Variants in SLC12A7 observed in about 807,000 individuals in gnomAD.
SLC12A7 encodes solute carrier family 12 member 7, also known as K-Cl cotransporter 4.
A neutral mutation model predicts 120.6 loss-of-function variants in SLC12A7; 100 were observed. The observed-to-expected ratio is 0.83, with a 90% CI of 0.71 to 0.98. The LOEUF (loss-of-function observed/expected upper bound fraction) is 0.98, where lower values mean the gene tolerates loss of function less well. Among genes scored for constraint, SLC12A7 ranks in the 50% least tolerant of loss-of-function variants. The pLI is 0.00. For synonymous variants in SLC12A7, 760 were observed against 678.0 expected, an observed-to-expected ratio of 1.12 and a Z score of -1.88; for missense variants, 1,373 against 1,548.1, an observed-to-expected ratio of 0.89 and a Z score of 1.90.
At chr5:1,142,298 C>A in the SLC12A7 span, among the ~76,000 whole-genome samples, 1 of 131,412 alleles carries the variant, frequency 7.6e-6, no homozygotes, top group Non-Finnish European at 1.7e-5. Context: ...CCCCTCCCCC[C>A]TCGCCCCTCC....
chr5:1,152,085 C>CT, the SLC12A7 span, among the ~76,000 whole-genome samples: 2 of 152,172 alleles, frequency 1.3e-5, no homozygotes, highest in Non-Finnish European at 2.9e-5. Flanking sequence ...GGCCAGGGGG[C>CT]TCTGCCATTG....
chr5:1,148,581 T>A, the SLC12A7 span, among the ~76,000 whole-genome samples: 15 of 152,214 alleles, frequency 9.9e-5, no homozygotes, highest in Admixed American at 9.8e-4. Flanking sequence ...TATAACAAAT[T>A]TAGCTGTAGA....
chr5:1,118,948 C>T, the SLC12A7 span, among the ~76,000 whole-genome samples: 4 of 152,174 alleles, frequency 2.6e-5, no homozygotes, highest in Non-Finnish European at 5.9e-5. Context: ...GCTCACAACC[C>T]ACACTGAGCA....
Position 1,104,068 on chromosome 5 carries a change from G to A in SLC12A7, c.124+7800C>T, listed in dbSNP as rs376069015. On this transcript the variant is annotated intron_variant, in intron 1 of 23. Transcript: ENST00000264930. ...TACAGGCTGCCTCTGGGCTGCGGTC[G>A]GGGACCCTTGGCGGCATGGAGGGGA... is the stretch of plus-strand genomic sequence containing the variant. Among the ~76,000 whole-genome samples the A allele has an allele frequency of 1.2e-3, 176 of 152,306 alleles. 1 individual carries two copies. The highest frequency in any genetic ancestry group is 3.9e-3 in the African/African-American group (164 of 41,590).
the SLC12A7 span, among the ~76,000 whole-genome samples, chr5:1,151,935 C>T: frequency 2.6e-5 from 4 of 152,298 alleles, no homozygotes; most frequent in East Asian, 1.9e-4. The surrounding 1 kb of genome is among the most constrained non-coding windows in gnomAD (Gnocchi z 6.2). Flanking sequence ...CCGCTGAAAC[C>T]GTCCCACAGA....
chr5:1,155,289 G>C, the SLC12A7 span, among the ~76,000 whole-genome samples: 1 of 152,152 alleles, frequency 6.6e-6, no homozygotes, highest in Non-Finnish European at 1.5e-5. Flanking sequence ...GACCCGCCGT[G>C]GTCCCGAGAG....
At chr5:1,082,280 C>G (rs56385895) in intron 8 of SLC12A7, among the ~76,000 whole-genome samples, 16,745 of 107,408 alleles carry the variant, frequency 0.16, 1 homozygote, top group Non-Finnish European at 0.25. Context: ...CCGGGCTTCC[C>G]CGTCTCGGGT....
intron 3 of SLC12A7, among the ~76,000 whole-genome samples, chr5:1,093,245 G>A (rs992806466): frequency 3.9e-5 from 6 of 152,156 alleles, no homozygotes; most frequent in Non-Finnish European, 7.4e-5. Flanking sequence ...GGATGGGGCC[G>A]CTCCCGCAGA....
At chr5:1,062,833 C>T (rs1030991974) in intron 20 of SLC12A7, 1 of 154,458 alleles carries the variant, frequency 6.5e-6, no homozygotes, top group Non-Finnish European at 1.5e-5. Flanking sequence ...CACCCACCTC[C>T]AGGAGTCCAG....
At chr5:1,086,761 C>G (rs1237605552) in intron 6 of SLC12A7, 142 bp downstream of exon 6, 1 of 1,162,646 alleles carries the variant, frequency 8.6e-7, no homozygotes, top group Non-Finnish European at 1.2e-6. Context: ...TGGCCAGAGC[C>G]CAGGAGAGCC....
At chr5:1,139,765 G>T in the SLC12A7 span, among the ~76,000 whole-genome samples, 1 of 152,214 alleles carries the variant, frequency 6.6e-6, no homozygotes, top group African/African-American at 2.4e-5. Context: ...CTTTGGGGAA[G>T]GTGAGTAATT....
chr5:1,096,810 A>ATG (rs1741263545), intron 1 of SLC12A7, among the ~76,000 whole-genome samples: 1 of 42,710 alleles, frequency 2.3e-5, no homozygotes, highest in Non-Finnish European at 5.1e-5. Flanking sequence ...GGAGGGAAGG[A>ATG]AGGAGGGAAG....
chr5:1,074,935 G>A (rs1377829699), intron 15 of SLC12A7, among the ~76,000 whole-genome samples: 1 of 152,176 alleles, frequency 6.6e-6, no homozygotes, highest in Non-Finnish European at 1.5e-5. Flanking sequence ...CAGGACGGGG[G>A]ACAGGAGGCC....
At chr5:1,125,574 T>G in the SLC12A7 span, among the ~76,000 whole-genome samples, 1 of 152,168 alleles carries the variant, frequency 6.6e-6, no homozygotes, top group Non-Finnish European at 1.5e-5. Flanking sequence ...TTTGACTAAT[T>G]GGATCCCAAT....
chr5:1,095,739 C>G (rs958473878), intron 1 of SLC12A7, among the ~76,000 whole-genome samples: 2 of 152,228 alleles, frequency 1.3e-5, no homozygotes, highest in Admixed American at 6.5e-5. Flanking sequence ...TGGCGGCCAC[C>G]CTGGCTGGCT....
intron 14 of SLC12A7, 143 bp downstream of exon 14, chr5:1,075,994 GC>G (rs1383852092): frequency 1.5e-6 from 1 of 653,780 alleles, no homozygotes; most frequent in Non-Finnish European, 2.6e-6. Context: ...GGGTCTTCAG[GC>G]CCAGAGCAGC....
Position 1,066,400 on chromosome 5 carries a change from T to TG in SLC12A7, c.2242-923dup, listed in dbSNP as rs564910043. On this transcript the variant is annotated intron_variant, in intron 17 of 23. Coordinates refer to ENST00000264930, the MANE Select transcript of SLC12A7 (RefSeq NM_006598.3). ...CGAGCAATGAGATTTACATGAGAGT[T>TG]GGGACTCAGAGCTGGTCTGTGCAGG... Among the ~76,000 whole-genome samples the TG allele has an allele frequency of 1.2e-4, 19 of 152,208 alleles. No homozygotes were observed. In the East Asian group the frequency reaches 3.1e-3, roughly 25 times the overall value.
chr5:1,138,591 G>T, the SLC12A7 span, among the ~76,000 whole-genome samples: 2 of 152,300 alleles, frequency 1.3e-5, no homozygotes, highest in Admixed American at 6.5e-5. Context: ...CTTAGAGCCC[G>T]CTCACATAAA....
At chr5:1,059,599 C>T (rs117617134) in intron 21 of SLC12A7, among the ~76,000 whole-genome samples, 1,860 of 152,336 alleles carry the variant, frequency 0.012, 28 homozygotes, top group East Asian at 0.041. Flanking sequence ...ACCACAAAGA[C>T]ACCTGCCCTT....
Sources: gnomAD v4.1 joint callset for allele counts (sites outside exome capture counted in the v4.1 genomes callset) on GRCh38, gnomAD v4.1.1 for gene constraint, Gnocchi (gnomAD v3.1) non-coding constraint, MANE v1.5 for transcripts, NCBI Gene and HGNC (gene_info 2026-07-23, HGNC 2026-07-21) for gene names.